EXOC6: variants seen among roughly 807,000 people sequenced by gnomAD.
EXOC6 encodes the protein exocyst complex component 6.
In EXOC6, 60 loss-of-function variants were observed where a neutral mutation model predicts 112.5. The ratio of observed to expected loss-of-function variants is 0.53; its 90% CI spans 0.43 to 0.66. EXOC6 has a LOEUF of 0.66. Ranked by LOEUF, EXOC6 falls within the 30% of genes least tolerant of loss-of-function variation. The pLI, the probability that EXOC6 is intolerant of heterozygous loss-of-function variation, is 0.00. For synonymous variants in EXOC6, 295 were observed against 308.0 expected (o/e 0.96, Z 0.44); for missense variants, 855 against 957.1 (o/e 0.89, Z 1.41).
rs917535144 is a variant in EXOC6, at chr10:92,952,343, T to C, written c.1487T>C (p.Ile496Thr). 5.0e-6 allele frequency: 8 copies of C among 1,612,490 alleles called. No individual in the cohort carries two copies. Among genetic ancestry groups the C allele is most frequent in the Non-Finnish European group, 6.8e-6 (8 of 1,178,878 alleles). Residue 496 changes from isoleucine (I) to threonine (T), a missense_variant, in exon 15 of 22, where the codon ATT becomes ACT. By Grantham distance (89) the Ile-to-Thr change is moderately conservative. This residue lies in a region of EXOC6 where 450 missense variants were observed against 563.5 expected (regional missense o/e 0.80). Transcript: ENST00000260762. ...PHIYIQVKEF[I>T]YASLKFSESL... is the part of the protein sequence containing the mutation. ...ATTTACATTCAAGTTAAAGAATTTATTTATGCCAGCCTTAAATTTTCAGAG... is the reference window on the plus strand; with the variant it reads ...ATTTACATTCAAGTTAAAGAATTTACTTATGCCAGCCTTAAATTTTCAGAG...
chr10:93,018,823 A>G (rs755762030), intron 20 of EXOC6, among the ~76,000 whole-genome samples: 1 of 151,786 alleles, frequency 6.6e-6, no homozygotes, highest in Non-Finnish European at 1.5e-5. Flanking sequence ...TTACTTTCAT[A>G]TATGTTTGAA....
In EXOC6 at chr10:92,994,647, TTTTTG is replaced by T. The variant is rs1843401290; in HGVS notation, c.1954-2824_1954-2820del. On this transcript the variant is annotated intron_variant, in intron 18 of 21. Transcript: ENST00000260762. ...TCACTTCACTTAATTATTTTGGCTT[TTTTTG>T]TTAATGTTAAAAACTAGAGCGTCTC... Among the ~76,000 whole-genome samples the T allele has an allele frequency of 6.6e-5, 10 of 152,258 alleles. No homozygotes were observed. In the South Asian group the frequency reaches 2.1e-3, roughly 32 times the overall value.
chr10:92,909,569 A>G lies in EXOC6; in HGVS notation c.601A>G (p.Lys201Glu), dbSNP rs374598022. 1 of 1,613,306 alleles carries G rather than the reference A, an allele frequency of 6.2e-7. No homozygotes were observed. The part of the protein sequence containing the change: ...DIKEISMSDL[K>E]DFLESIRKHS... Reference sequence around the variant, plus strand: ...TAAAGAAATCTCCATGTCTGATCTCAAAGACTTTTTGGAAAGTATTCGAAA... The same window carrying G: ...TAAAGAAATCTCCATGTCTGATCTCGAAGACTTTTTGGAAAGTATTCGAAA... Residue 201 changes from lysine (K) to glutamate (E), a missense_variant, in exon 6 of 22, where the codon AAA becomes GAA. Lys to Glu is a moderately conservative substitution (Grantham distance 56). Coordinates refer to ENST00000260762, the MANE Select transcript of EXOC6 (RefSeq NM_019053.6).
intron 19 of EXOC6, among the ~76,000 whole-genome samples, chr10:93,011,569 G>T (rs980787624): frequency 6.6e-6 from 1 of 152,022 alleles, no homozygotes; most frequent in South Asian, 2.1e-4. Flanking sequence ...GCCAAAAAAA[G>T]TATTTTTTTA....
At chr10:92,999,477 T>C (rs2134185619) in intron 19 of EXOC6, 1 of 273,028 alleles carries the variant, frequency 3.7e-6, no homozygotes, top group Non-Finnish European at 7.2e-6. Context: ...CAGTATGACA[T>C]TGTCTGTATA....
intron 1 of EXOC6, among the ~76,000 whole-genome samples, chr10:92,851,174 G>A (rs1232491367): frequency 6.6e-6 from 1 of 152,160 alleles, no homozygotes; most frequent in Non-Finnish European, 1.5e-5. Context: ...CCTAGCCTAA[G>A]AAACTAGGAA....
intron 6 of EXOC6, among the ~76,000 whole-genome samples, chr10:92,910,786 A>C (rs560684256): frequency 1.3e-3 from 192 of 152,142 alleles, no homozygotes; most frequent in Admixed American, 3.1e-3. Context: ...AAAATTAGCC[A>C]GGCATGGTGG....
intron 18 of EXOC6, among the ~76,000 whole-genome samples, chr10:92,975,843 C>T (rs1262945627): frequency 2.9e-5 from 4 of 137,190 alleles, no homozygotes; most frequent in Non-Finnish European, 6.4e-5. Flanking sequence ...AGGTGAGGGG[C>T]GCCTCTGCCC....
At chr10:92,935,314 A>G (rs1030132452) in intron 11 of EXOC6, among the ~76,000 whole-genome samples, 5 of 152,174 alleles carry the variant, frequency 3.3e-5, no homozygotes, top group African/African-American at 4.8e-5. Flanking sequence ...ATGATACCAA[A>G]TATGAAGTCA....
At chr10:93,024,835 C>G (rs1844952594) in intron 20 of EXOC6, among the ~76,000 whole-genome samples, 1 of 152,180 alleles carries the variant, frequency 6.6e-6, no homozygotes, top group Non-Finnish European at 1.5e-5. Flanking sequence ...TTGGCAAATG[C>G]TTTAAGGAAG....
intron 18 of EXOC6, among the ~76,000 whole-genome samples, chr10:92,975,046 G>A (rs1842458048): frequency 6.6e-6 from 1 of 151,412 alleles, no homozygotes; most frequent in Admixed American, 6.6e-5. Context: ...GACGTGAGGA[G>A]CCCCTCTGCC....
At chr10:93,003,287 T>A (rs1843836059) in intron 19 of EXOC6, among the ~76,000 whole-genome samples, 1 of 152,102 alleles carries the variant, frequency 6.6e-6, no homozygotes, top group South Asian at 2.1e-4. Flanking sequence ...CTAGATGTAG[T>A]GGGGGAGGTG....
intron 19 of EXOC6, among the ~76,000 whole-genome samples, chr10:93,013,480 C>T (rs775336949): frequency 1.3e-5 from 2 of 151,792 alleles, no homozygotes; most frequent in Non-Finnish European, 1.5e-5. Flanking sequence ...TGGCGGCATG[C>T]GCCTGTAGTC....
intron 8 of EXOC6, among the ~76,000 whole-genome samples, chr10:92,920,966 C>T (rs1377159651): frequency 6.6e-6 from 1 of 152,142 alleles, no homozygotes; most frequent in African/African-American, 2.4e-5. Flanking sequence ...CTTTCAGTCT[C>T]TTTGTATCTT....
intron 9 of EXOC6, among the ~76,000 whole-genome samples, chr10:92,929,966 C>A (rs529331775): frequency 9.0e-4 from 137 of 152,272 alleles, no homozygotes; most frequent in African/African-American, 3.3e-3. Context: ...TCCACAGAGT[C>A]AAGTCCAAGG....
At chr10:92,925,086 T>G (rs1564835393) in intron 8 of EXOC6, among the ~76,000 whole-genome samples, 1 of 152,192 alleles carries the variant, frequency 6.6e-6, no homozygotes, top group Non-Finnish European at 1.5e-5. Flanking sequence ...TGTCCACATG[T>G]TAATGGAAGG....
chr10:92,917,478 TTTTC>T (rs1851160509), intron 7 of EXOC6, among the ~76,000 whole-genome samples: 1 of 151,680 alleles, frequency 6.6e-6, no homozygotes, highest in Admixed American at 6.6e-5. Context: ...TCCTTAAATA[TTTTC>T]TTTCTTTCAT....
intron 21 of EXOC6, among the ~76,000 whole-genome samples, chr10:93,057,717 G>A (rs1846612931): frequency 6.6e-6 from 1 of 152,012 alleles, no homozygotes; most frequent in South Asian, 2.1e-4. Flanking sequence ...AATTAAAATT[G>A]TTATTATTTT....
At chr10:93,003,514 G>A (rs1254108407) in intron 19 of EXOC6, among the ~76,000 whole-genome samples, 1 of 152,070 alleles carries the variant, frequency 6.6e-6, no homozygotes, top group Non-Finnish European at 1.5e-5. Flanking sequence ...AAATTAGCTT[G>A]AGCTAAAATT....
Sources: allele counts gnomAD v4.1 joint callset (sites outside exome capture counted in the v4.1 genomes callset), GRCh38; gene constraint gnomAD v4.1.1; regional missense constraint gnomAD v4.1.1; transcripts MANE v1.5; gene names NCBI Gene and HGNC (gene_info 2026-07-23, HGNC 2026-07-21).